RUFY3: variants seen among roughly 807,000 people sequenced by gnomAD.
RUFY3 encodes protein RUFY3.
Under a neutral mutation model 84.0 loss-of-function variants are expected in RUFY3, and 34 were observed. The ratio of observed to expected loss-of-function variants is 0.40; its 90% CI spans 0.31 to 0.54. The LOEUF is 0.54. Among genes scored for constraint, RUFY3 ranks in the 20% least tolerant of loss-of-function variants. The pLI, the probability that RUFY3 is intolerant of heterozygous loss-of-function variation, is 0.39. For synonymous variants in RUFY3, 242 were observed against 252.9 expected, an observed-to-expected ratio of 0.96 and a Z score of 0.41; for missense variants, 507 against 736.8, an observed-to-expected ratio of 0.69 and a Z score of 3.61.
intron 1 of RUFY3, among the ~76,000 whole-genome samples, chr4:70,727,299 G>A (rs1718420371): frequency 6.7e-6 from 1 of 150,004 alleles, no homozygotes; most frequent in Non-Finnish European, 1.5e-5. Context: ...TGAATTTCTT[G>A]GAGTAACATT....
chr4:70,751,621 CATA>C (rs1723147408), intron 1 of RUFY3, among the ~76,000 whole-genome samples: 1 of 152,162 alleles, frequency 6.6e-6, no homozygotes, highest in Non-Finnish European at 1.5e-5. Flanking sequence ...GTTGTTAAAT[CATA>C]ATAATTATTT....
chr4:70,764,353 G>A (rs1725488825), intron 3 of RUFY3, 122 bp from the exon 4 acceptor site: 2 of 676,690 alleles, frequency 3.0e-6, no homozygotes, highest in Non-Finnish European at 5.2e-6. Context: ...GAGGTCCTGA[G>A]GAGCACCTCA....
intron 17 of RUFY3, among the ~76,000 whole-genome samples, chr4:70,805,175 G>C (rs1015218546): frequency 2.6e-5 from 4 of 152,290 alleles, no homozygotes; most frequent in South Asian, 4.1e-4. Flanking sequence ...ATGAAGCCCA[G>C]CTTCCAACCT....
At chr4:70,732,353 C>T (rs1480138924) in intron 1 of RUFY3, among the ~76,000 whole-genome samples, 1 of 152,144 alleles carries the variant, frequency 6.6e-6, no homozygotes, top group Non-Finnish European at 1.5e-5. Context: ...TACTATTTAT[C>T]GTAGATATCC....
intron 1 of RUFY3, among the ~76,000 whole-genome samples, chr4:70,733,104 GA>G (rs1297557027): frequency 1.7e-4 from 15 of 86,538 alleles, no homozygotes; most frequent in African/African-American, 5.4e-4. Context: ...AGGAGAGAGA[GA>G]GAGAGAGAGA....
intron 4 of RUFY3, among the ~76,000 whole-genome samples, chr4:70,767,485 A>C (rs1726172637): frequency 6.6e-6 from 1 of 151,716 alleles, no homozygotes; most frequent in African/African-American, 2.4e-5. Flanking sequence ...GTTGCTCCCA[A>C]ATTTTGGCAA....
chr4:70,768,525 A>C lies in RUFY3; in HGVS notation c.573-13A>C. ...TTTGTTACAATAAGGAATTCTGTGG[A>C]TTTCTCTTACAGTGAATTCTACGAA... On this transcript the variant is annotated splice_polypyrimidine_tract_variant and intron_variant, in intron 4 of 17. Coordinates refer to ENST00000381006, the MANE Select transcript of RUFY3 (RefSeq NM_001037442.4). 1.2e-6 allele frequency: 2 copies of C among 1,606,204 alleles called. No homozygotes were observed.
intron 1 of RUFY3, among the ~76,000 whole-genome samples, chr4:70,737,676 CTT>C (rs57075760): frequency 2.8e-4 from 37 of 134,350 alleles, no homozygotes; most frequent in Admixed American, 4.5e-4. Flanking sequence ...ATTAATTCCT[CTT>C]TTTTTTTTTT....
chr4:70,719,550 T>C (rs1295245166), upstream of RUFY3, among the ~76,000 whole-genome samples: 1 of 152,236 alleles, frequency 6.6e-6, no homozygotes, highest in African/African-American at 2.4e-5. Flanking sequence ...AACATATCAG[T>C]GATCTAGAGT....
intron 15 of RUFY3, 65 bp downstream of exon 15, chr4:70,800,270 T>G (rs1229356033): frequency 2.6e-6 from 3 of 1,158,020 alleles, no homozygotes; most frequent in Admixed American, 4.6e-5. Context: ...AGGAGGGAGT[T>G]CTTTATATAC....
In RUFY3 at chr4:70,712,751, A is replaced by C. The variant is rs185498000; in HGVS notation, c.358+7457A>C. 3.0e-3 allele frequency among the ~76,000 whole-genome samples: 463 copies of C among 152,366 alleles called. 1 individual carries two copies. The highest frequency in any genetic ancestry group is 4.8e-3 in the Non-Finnish European group (324 of 68,028). ...ATTTTTCAAAATTCCTTAAATAATTAAAAGAACTAACTAAAAAATGGGCTG... is the reference window on the plus strand; with the variant it reads ...ATTTTTCAAAATTCCTTAAATAATTCAAAGAACTAACTAAAAAATGGGCTG... On this transcript the variant is annotated intron_variant, in intron 1 of 11. Coordinates refer to the RUFY3 transcript ENST00000417478.
At chr4:70,723,042 C>T (rs1407251774) in intron 1 of RUFY3, among the ~76,000 whole-genome samples, 1 of 152,048 alleles carries the variant, frequency 6.6e-6, no homozygotes, top group Non-Finnish European at 1.5e-5. Flanking sequence ...ACATCTGATT[C>T]TATTCAATAA....
chr4:70,733,175 AAAG>A (rs1719740053), intron 1 of RUFY3, among the ~76,000 whole-genome samples: 1 of 148,598 alleles, frequency 6.7e-6, no homozygotes, highest in Non-Finnish European at 1.5e-5. Context: ...AGAAAGAAAG[AAAG>A]AAAAATGGAT....
intron 1 of RUFY3, among the ~76,000 whole-genome samples, chr4:70,711,671 A>G (rs1423151358): frequency 6.6e-6 from 1 of 152,202 alleles, no homozygotes; most frequent in Non-Finnish European, 1.5e-5. Flanking sequence ...GCATCTTTCC[A>G]AGGATGTGTA....
intron 6 of RUFY3, among the ~76,000 whole-genome samples, chr4:70,774,670 T>TATATATAA (rs766227141): frequency 6.8e-4 from 55 of 81,038 alleles, no homozygotes; most frequent in East Asian, 2.5e-3. Flanking sequence ...TATATATATA[T>TATATATAA]AAAATAAACA....
chr4:70,777,254 A>G (rs538550402), intron 7 of RUFY3, among the ~76,000 whole-genome samples: 2 of 152,336 alleles, frequency 1.3e-5, no homozygotes, highest in South Asian at 2.1e-4. Flanking sequence ...TATAGATAAG[A>G]GAGGACTACT....
At chr4:70,750,972 A>G (rs560602562) in intron 1 of RUFY3, among the ~76,000 whole-genome samples, 100 of 152,186 alleles carry the variant, frequency 6.6e-4, no homozygotes, top group African/African-American at 2.0e-3. Flanking sequence ...TATTTTGTCT[A>G]TTGGTTGGTG....
chr4:70,781,231 T>C (rs1160215490), intron 8 of RUFY3, among the ~76,000 whole-genome samples: 3 of 152,162 alleles, frequency 2.0e-5, no homozygotes, highest in Admixed American at 1.3e-4. Flanking sequence ...ACACCTGTAA[T>C]CCCAGCCCTT....
At chr4:70,731,405 C>T (rs1719254085) in intron 1 of RUFY3, among the ~76,000 whole-genome samples, 1 of 152,136 alleles carries the variant, frequency 6.6e-6, no homozygotes, top group Non-Finnish European at 1.5e-5. Context: ...CCTCTTTTCA[C>T]TCACTTTTAT....
Sources: gnomAD v4.1 joint callset for allele counts (sites outside exome capture counted in the v4.1 genomes callset) on GRCh38, gnomAD v4.1.1 for gene constraint, MANE v1.5 for transcripts, NCBI Gene and HGNC (gene_info 2026-07-23, HGNC 2026-07-21) for gene names.